Variants in NRIP1 observed in about 807,000 individuals in gnomAD.
NRIP1 encodes the protein nuclear receptor-interacting protein 1.
In NRIP1, 28 loss-of-function variants were observed where a neutral mutation model predicts 75.0. The ratio of observed to expected loss-of-function variants is 0.37; its 90% CI spans 0.28 to 0.51. The LOEUF (loss-of-function observed/expected upper bound fraction) is 0.51. Among genes scored for constraint, NRIP1 ranks in the 20% least tolerant of loss-of-function variants. The probability of loss-of-function intolerance (pLI) is 0.92; values close to 1 mark genes in which losing one functional copy is unlikely to be tolerated. For missense variants in NRIP1, 1,435 were observed against 1,343.7 expected, an observed-to-expected ratio of 1.07 and a Z score of -1.06; for synonymous variants, 526 against 487.6, an observed-to-expected ratio of 1.08 and a Z score of -1.04.
chr21:15,038,459 A>G (rs1461322074), intron 2 of NRIP1, among the ~76,000 whole-genome samples: 1 of 152,072 alleles, frequency 6.6e-6, no homozygotes, highest in Non-Finnish European at 1.5e-5. Flanking sequence ...TATGTCTCCT[A>G]TATTTTACAG....
At position 15,044,512 on chromosome 21, in the gene NRIP1, G is replaced by A. The variant is rs536953300; in HGVS notation, c.-537-938C>T. Among the ~76,000 whole-genome samples the A allele has an allele frequency of 5.4e-4, 82 of 151,936 alleles. 3 individuals carry two copies. In the South Asian group the frequency reaches 0.016, roughly 29 times the overall value. On this transcript the variant is annotated intron_variant, in intron 1 of 3. Coordinates refer to ENST00000318948, the MANE Select transcript of NRIP1 (RefSeq NM_003489.4). ...AGCGGTGATAAGGGAGGTACCATGC[G>A]AACTCCCTGATACCACCATAGCAGC...
chr21:15,030,392 AAACT>A (rs1280418929), intron 2 of NRIP1, among the ~76,000 whole-genome samples: 1 of 152,238 alleles, frequency 6.6e-6, no homozygotes, highest in African/African-American at 2.4e-5. Context: ...GGGTTAAGTC[AAACT>A]AACACGAAGT....
intron 3 of NRIP1, among the ~76,000 whole-genome samples, chr21:15,004,106 A>G (rs987646056): frequency 2.0e-5 from 3 of 152,204 alleles, no homozygotes; most frequent in African/African-American, 7.2e-5. Flanking sequence ...TTGTTTCTCA[A>G]TAGGAGAAAA....
intron 2 of NRIP1, among the ~76,000 whole-genome samples, chr21:15,022,187 T>C (rs919492549): frequency 5.9e-5 from 9 of 152,150 alleles, no homozygotes; most frequent in Non-Finnish European, 1.0e-4. Flanking sequence ...GTGGTACATA[T>C]ATACCATGGA....
At chr21:15,041,083 A>T (rs2088941710) in intron 2 of NRIP1, among the ~76,000 whole-genome samples, 1 of 152,124 alleles carries the variant, frequency 6.6e-6, no homozygotes, top group South Asian at 2.1e-4. Flanking sequence ...GCAGACACAA[A>T]CTCGAAAGAA....
In NRIP1 at chr21:15,064,834, A is replaced by G. The variant is rs1326596193; in HGVS notation, c.-627T>C. The G allele has an allele frequency of 6.8e-6, 1 of 147,858 alleles. No homozygotes were observed. Among genetic ancestry groups the G allele is most frequent in the Non-Finnish European group, 1.5e-5 (1 of 66,458 alleles). The allele number at this position is 147,858 out of a possible 1,614,324, so 9.2% of individuals were successfully genotyped here. On this transcript the variant is annotated 5_prime_UTR_variant, in exon 1 of 4. Coordinates refer to ENST00000318948, the MANE Select transcript of NRIP1 (RefSeq NM_003489.4). ...CCCGTCCTGGCCCGGCGCCCCGGCG[A>G]GCTCTTCCCTCCGACCAGCGGCGCT...
intron 1 of NRIP1, among the ~76,000 whole-genome samples, chr21:15,055,968 T>TA (rs968612764): frequency 6.7e-6 from 1 of 150,250 alleles, no homozygotes; most frequent in Non-Finnish European, 1.5e-5. Flanking sequence ...TATTAAGAAA[T>TA]AAAAAGGAAA....
At chr21:14,996,740 A>G (rs1275869190) in intron 3 of NRIP1, among the ~76,000 whole-genome samples, 2 of 152,168 alleles carry the variant, frequency 1.3e-5, no homozygotes, top group Non-Finnish European at 2.9e-5. Context: ...TGCTAAATAT[A>G]ATAAATGCAC....
At chr21:15,005,537 C>T (rs953512568) in intron 3 of NRIP1, among the ~76,000 whole-genome samples, 7 of 152,078 alleles carry the variant, frequency 4.6e-5, no homozygotes, top group African/African-American at 9.7e-5. Flanking sequence ...CAGCAAGGGT[C>T]GAGATGCCTG....
chr21:15,024,449 G>T (rs977580669), intron 2 of NRIP1, among the ~76,000 whole-genome samples: 10 of 152,118 alleles, frequency 6.6e-5, no homozygotes, highest in African/African-American at 2.4e-4. Context: ...GGCTGAAGCA[G>T]GAGAATTGCT....
Position 14,965,572 on chromosome 21 carries a change from T to C in NRIP1, c.2621A>G (p.Lys874Arg), listed in dbSNP as rs756506808. 7 of 1,614,064 alleles carry C rather than the reference T, an allele frequency of 4.3e-6. No homozygotes were observed. Among genetic ancestry groups the C allele is most frequent in the Non-Finnish European group, 5.9e-6 (7 of 1,179,966 alleles). ...GTTTGCAGCATCAACAATGTTGTTT[T>C]TCATCTTTTTAAATGGATTTTCTAA... is the stretch of plus-strand genomic sequence containing the variant. ...EPLENPFKKM[K>R]NNIVDAANNH... Residue 874 changes from lysine to arginine, a missense_variant, in exon 4 of 4, where the codon AAA becomes AGA. By Grantham distance (26) the Lys-to-Arg change is conservative. Coordinates refer to ENST00000318948, the MANE Select transcript of NRIP1 (RefSeq NM_003489.4).
At chr21:15,003,144 G>A (rs1382363381) in intron 3 of NRIP1, among the ~76,000 whole-genome samples, 1 of 152,054 alleles carries the variant, frequency 6.6e-6, no homozygotes, top group Non-Finnish European at 1.5e-5. Context: ...AATGACAGAA[G>A]TTGTTAAATA....
chr21:15,058,917 GAAAGT>G (rs2089363298), intron 1 of NRIP1, among the ~76,000 whole-genome samples: 1 of 152,138 alleles, frequency 6.6e-6, no homozygotes. Context: ...AGCTAGATAA[GAAAGT>G]AAAAGTAAAA....
At chr21:14,977,837 A>C (rs1330050515) in intron 3 of NRIP1, among the ~76,000 whole-genome samples, 18 of 152,220 alleles carry the variant, frequency 1.2e-4, no homozygotes. Context: ...ACAGATGCCA[A>C]AAATAATTAT....
chr21:14,966,875 G>C lies in NRIP1; in HGVS notation c.1318C>G (p.Pro440Ala). ...GDESSYSNCV[P>A]IDLSCKHRTE... is the part of the protein sequence containing the mutation. ...CGGTGTTTGCAAGACAAGTCTATGGGAACACAGTTGGAATAAGAACTTTCA... is the reference window on the plus strand; with the variant it reads ...CGGTGTTTGCAAGACAAGTCTATGGCAACACAGTTGGAATAAGAACTTTCA... The change falls in exon 4 of 4, where the codon CCC becomes GCC. Residue 440 changes from proline to alanine, a missense_variant. Pro to Ala is a conservative substitution (Grantham distance 27). Coordinates refer to ENST00000318948, the MANE Select transcript of NRIP1 (RefSeq NM_003489.4). The C allele has an allele frequency of 1.9e-6, 3 of 1,614,038 alleles. No homozygotes were observed. The highest frequency in any genetic ancestry group is 2.5e-6 in the Non-Finnish European group (3 of 1,179,936).
intron 1 of NRIP1, among the ~76,000 whole-genome samples, chr21:15,053,416 C>G (rs548821269): frequency 6.6e-6 from 1 of 152,108 alleles, no homozygotes; most frequent in Non-Finnish European, 1.5e-5. Flanking sequence ...TTTTATTCAC[C>G]CTTTTCATTG....
intron 2 of NRIP1, among the ~76,000 whole-genome samples, chr21:15,040,052 A>G (rs2088919396): frequency 6.6e-6 from 1 of 152,198 alleles, no homozygotes; most frequent in African/African-American, 2.4e-5. Flanking sequence ...CTGTCTTTTA[A>G]AAACCCAAAA....
intron 2 of NRIP1, among the ~76,000 whole-genome samples, chr21:15,021,210 A>G (rs2088365667): frequency 6.6e-6 from 1 of 152,228 alleles, no homozygotes; most frequent in Non-Finnish European, 1.5e-5. Flanking sequence ...CAACAAAAAA[A>G]GGGAATGAAC....
intron 1 of NRIP1, among the ~76,000 whole-genome samples, chr21:15,062,994 G>C (rs1568742191): frequency 6.6e-6 from 1 of 151,922 alleles, no homozygotes; most frequent in Non-Finnish European, 1.5e-5. Flanking sequence ...TAACTCATTT[G>C]AATAAAATCA....
Sources: gnomAD v4.1 joint callset for allele counts (sites outside exome capture counted in the v4.1 genomes callset) on GRCh38, gnomAD v4.1.1 for gene constraint, MANE v1.5 for transcripts, NCBI Gene and HGNC (gene_info 2026-07-23, HGNC 2026-07-21) for gene names.